DTHD1: variants seen among roughly 807,000 people sequenced by gnomAD.
The protein encoded by DTHD1 is death domain-containing protein 1.
Under a neutral mutation model 74.8 loss-of-function variants are expected in DTHD1, and 59 were observed. The observed-to-expected ratio is 0.79, with a 90% CI of 0.64 to 0.98. DTHD1 has a LOEUF of 0.98. Ranked by LOEUF, DTHD1 falls within the 50% of genes least tolerant of loss-of-function variation. The pLI is 0.00. For synonymous variants in DTHD1, 365 were observed against 371.1 expected (o/e 0.98, Z 0.19); for missense variants, 1,051 against 1,065.4 (o/e 0.99, Z 0.19).
intron 7 of DTHD1, among the ~76,000 whole-genome samples, chr4:36,308,750 T>C (rs2109500857): frequency 6.6e-6 from 1 of 152,328 alleles, no homozygotes; most frequent in East Asian, 1.9e-4. Context: ...ACAGTTACTA[T>C]CTGAGTCCAA....
chr4:36,282,896 A>T (rs1302529776), intron 1 of DTHD1, among the ~76,000 whole-genome samples: 1 of 152,200 alleles, frequency 6.6e-6, no homozygotes, highest in African/African-American at 2.4e-5. Context: ...GGAGTGGAAC[A>T]TGGTCTTTGG....
In DTHD1 at chr4:36,312,153, C is replaced by A. The variant is rs554225338; in HGVS notation, c.2095+3660C>A. On this transcript the variant is annotated intron_variant, in intron 7 of 9. Transcript: ENST00000639862. ...CTTGGATTATTGCATGTTATTCAAG[C>A]CCCAACTGCACACAAAATCCAGAAA... 2.6e-5 allele frequency among the ~76,000 whole-genome samples: 4 copies of A among 151,950 alleles called. No homozygotes were observed. The South Asian group carries it at 8.3e-4, about 32-fold the overall frequency.
At chr4:36,301,072 T>C (rs1756742904) in intron 5 of DTHD1, among the ~76,000 whole-genome samples, 1 of 152,194 alleles carries the variant, frequency 6.6e-6, no homozygotes, top group South Asian at 2.1e-4. Flanking sequence ...TTAAGGTGCA[T>C]TGGAGCAGAT....
intron 8 of DTHD1, among the ~76,000 whole-genome samples, chr4:36,325,048 A>T (rs954465556): frequency 6.6e-6 from 1 of 152,174 alleles, no homozygotes; most frequent in African/African-American, 2.4e-5. Context: ...AGAAAGGATG[A>T]TGAATGCACC....
At chr4:36,313,580 A>T (rs968340387) in intron 7 of DTHD1, among the ~76,000 whole-genome samples, 1 of 152,260 alleles carries the variant, frequency 6.6e-6, no homozygotes, top group Non-Finnish European at 1.5e-5. Flanking sequence ...TGTTTACAAC[A>T]TGAAGATTAT....
chr4:36,334,255 C>G (rs1758866773), intron 8 of DTHD1, among the ~76,000 whole-genome samples: 1 of 152,246 alleles, frequency 6.6e-6, no homozygotes, highest in African/African-American at 2.4e-5. Flanking sequence ...TTATCTGAGA[C>G]CAGTTGAATC....
In DTHD1 at chr4:36,284,609, G is replaced by C; in HGVS notation, c.887+18G>C. On this transcript the variant is annotated intron_variant, in intron 2 of 9. Coordinates refer to ENST00000639862, the MANE Select transcript of DTHD1 (RefSeq NM_001170700.3). ...GAAAAGGAGTAAGTAAATGCAATGT[G>C]GGAAGTGCTTAAGTATGCCTACTTA... 6.8e-7 allele frequency: 1 copy of C among 1,478,536 alleles called. No homozygotes were observed. The highest frequency in any genetic ancestry group is 9.0e-7 in the Non-Finnish European group (1 of 1,116,308). The allele number at this position is 1,478,536 out of a possible 1,614,324, so 91.6% of individuals were successfully genotyped here.
At chr4:36,304,753 G>T (rs982275887) in intron 5 of DTHD1, among the ~76,000 whole-genome samples, 7 of 152,170 alleles carry the variant, frequency 4.6e-5, no homozygotes, top group African/African-American at 1.7e-4. Context: ...AGAGTTTATT[G>T]TGAGGCTAAA....
chr4:36,338,893 T>G (rs1421456791), intron 8 of DTHD1, among the ~76,000 whole-genome samples: 1 of 152,228 alleles, frequency 6.6e-6, no homozygotes, highest in Non-Finnish European at 1.5e-5. Context: ...ATGGGTATTC[T>G]TAAATTTAAA....
chr4:36,286,894 G>A (rs1039199497), intron 2 of DTHD1, among the ~76,000 whole-genome samples: 3 of 152,140 alleles, frequency 2.0e-5, no homozygotes, highest in Non-Finnish European at 4.4e-5. Flanking sequence ...ACCATTATAT[G>A]TGCAGTCCAT....
chr4:36,322,572 A>G (rs1758097106), intron 8 of DTHD1, among the ~76,000 whole-genome samples: 1 of 152,048 alleles, frequency 6.6e-6, no homozygotes, highest in Non-Finnish European at 1.5e-5. Flanking sequence ...CGAGACGGGC[A>G]CGCATTTCAA....
chr4:36,323,325 C>T (rs939074595), intron 8 of DTHD1, among the ~76,000 whole-genome samples: 8 of 152,266 alleles, frequency 5.3e-5, no homozygotes, highest in Middle Eastern at 3.4e-3. Flanking sequence ...GTCAGAATCG[C>T]CACTTTCACC....
chr4:36,321,081 TG>T (rs1435773968), intron 8 of DTHD1, among the ~76,000 whole-genome samples: 1 of 152,244 alleles, frequency 6.6e-6, no homozygotes, highest in Non-Finnish European at 1.5e-5. Context: ...CTTCAGCCTC[TG>T]TAGTTCATTC....
chr4:36,310,584 T>C (rs1757337955), intron 7 of DTHD1, among the ~76,000 whole-genome samples: 1 of 152,190 alleles, frequency 6.6e-6, no homozygotes, highest in African/African-American at 2.4e-5. Context: ...CGTTTACTTA[T>C]AAATTAATAT....
Position 36,290,640 on chromosome 4 carries a change from C to T in DTHD1, c.1155C>T (p.Asp385=). Residue 385 remains aspartate, a synonymous_variant, in exon 3 of 10, where the codon GAC becomes GAT. Coordinates refer to ENST00000639862, the MANE Select transcript of DTHD1 (RefSeq NM_001170700.3). ...NYRDIMVKVC[D]INLQSSYLNP... ...GAGATATCATGGTGAAAGTGTGTGACATAAACCTTCAATCAAGTTACCTAA... is the reference window on the plus strand; with the variant it reads ...GAGATATCATGGTGAAAGTGTGTGATATAAACCTTCAATCAAGTTACCTAA... 2 of 1,547,884 alleles carry T rather than the reference C, an allele frequency of 1.3e-6. No individual in the cohort carries two copies. The highest frequency in any genetic ancestry group is 2.4e-5 in the South Asian group (2 of 84,060).
intron 8 of DTHD1, among the ~76,000 whole-genome samples, chr4:36,328,801 C>A (rs1402717654): frequency 6.6e-5 from 10 of 152,178 alleles, no homozygotes; most frequent in Admixed American, 6.5e-4. Context: ...CAGCTACTGC[C>A]CAGCCCCTAT....
chr4:36,297,513 G>A (rs1299770259), intron 5 of DTHD1, among the ~76,000 whole-genome samples: 2 of 151,908 alleles, frequency 1.3e-5, no homozygotes, highest in African/African-American at 2.4e-5. Context: ...CCCCCAAGCC[G>A]AAGCAATTAA....
At chr4:36,317,910 A>C (rs530108836) in intron 8 of DTHD1, among the ~76,000 whole-genome samples, 19 of 152,316 alleles carry the variant, frequency 1.2e-4, no homozygotes, top group African/African-American at 3.8e-4. Flanking sequence ...AGACAGTGGA[A>C]ATGAAGAAAA....
Position 36,328,836 on chromosome 4 carries a change from A to AT in DTHD1, c.2341-10268dup, listed in dbSNP as rs1218362334. 1.2e-4 allele frequency among the ~76,000 whole-genome samples: 18 copies of AT among 152,040 alleles called. No individual in the cohort carries two copies. In the East Asian group the frequency reaches 3.1e-3, roughly 26 times the overall value. On this transcript the variant is annotated intron_variant, in intron 8 of 9. Transcript: ENST00000639862. The stretch of plus-strand genomic sequence containing the variant: ...TTCCCTATTTTCCTACTGACTCAAT[A>AT]TTTTTTTTCTTTTTGCAGTTGATTT...
Sources: allele counts gnomAD v4.1 joint callset (sites outside exome capture counted in the v4.1 genomes callset), GRCh38; gene constraint gnomAD v4.1.1; transcripts MANE v1.5; gene names NCBI Gene and HGNC (gene_info 2026-07-23, HGNC 2026-07-21).